FAM184A: variants seen among roughly 807,000 people sequenced by gnomAD.
FAM184A encodes protein FAM184A.
FAM184A carries 99 observed loss-of-function variants against 143.8 expected under a neutral mutation model. The observed-to-expected ratio is 0.69, with a 90% CI of 0.58 to 0.81. FAM184A has a LOEUF of 0.81. Ranked by LOEUF, FAM184A falls within the 40% of genes least tolerant of loss-of-function variation. The pLI is 0.00. For synonymous variants in FAM184A, 427 were observed against 446.4 expected, an observed-to-expected ratio of 0.96 and a Z score of 0.55; for missense variants, 1,217 against 1,310.5, an observed-to-expected ratio of 0.93 and a Z score of 1.10.
chr6:119,072,804 G>T (rs1330499225), intron 1 of FAM184A, among the ~76,000 whole-genome samples: 1 of 151,908 alleles, frequency 6.6e-6, no homozygotes, highest in African/African-American at 2.4e-5. Flanking sequence ...AGTTTAAAGG[G>T]CAGTCAATAA....
intron 1 of FAM184A, among the ~76,000 whole-genome samples, chr6:119,091,289 C>CCAG (rs1562146528): frequency 6.6e-6 from 1 of 152,164 alleles, no homozygotes; most frequent in Non-Finnish European, 1.5e-5. Context: ...CTGGGTATGA[C>CCAG]GGTGAGAGAA....
chr6:119,119,051 G>A (rs1789138223), intron 1 of FAM184A, among the ~76,000 whole-genome samples: 1 of 152,164 alleles, frequency 6.6e-6, no homozygotes, highest in African/African-American at 2.4e-5. Context: ...AAACTGTAGG[G>A]ATGAAATAAG....
chr6:118,977,356 T>C (rs1379688775), intron 11 of FAM184A, among the ~76,000 whole-genome samples: 1 of 152,132 alleles, frequency 6.6e-6, no homozygotes, highest in Non-Finnish European at 1.5e-5. Context: ...CCGAGACCCG[T>C]AGATCACTTG....
At chr6:119,112,371 G>A (rs943844526) in intron 1 of FAM184A, among the ~76,000 whole-genome samples, 2 of 152,040 alleles carry the variant, frequency 1.3e-5, no homozygotes, top group Admixed American at 6.6e-5. Context: ...CAGGTGATCC[G>A]CCTGCCTGGG....
chr6:119,084,504 G>A (rs11756828), intron 1 of FAM184A, among the ~76,000 whole-genome samples: 37,183 of 152,244 alleles, frequency 0.24, 4,898 homozygotes, highest in Non-Finnish European at 0.28. Context: ...GGCCTTCCAG[G>A]GTTCAGGCCC....
intron 11 of FAM184A, among the ~76,000 whole-genome samples, chr6:118,977,781 T>G (rs1783890726): frequency 6.6e-6 from 1 of 152,166 alleles, no homozygotes; most frequent in Non-Finnish European, 1.5e-5. Context: ...TGACAGAATC[T>G]TCGTCATTGT....
chr6:119,065,126 A>G (rs917272485), intron 1 of FAM184A, among the ~76,000 whole-genome samples: 1 of 152,184 alleles, frequency 6.6e-6, no homozygotes, highest in Non-Finnish European at 1.5e-5. Context: ...CCTACACTGT[A>G]CCATGGTTGG....
chr6:119,116,032 G>C (rs1050882463), intron 1 of FAM184A, among the ~76,000 whole-genome samples: 1 of 145,164 alleles, frequency 6.9e-6, no homozygotes, highest in African/African-American at 2.5e-5. Context: ...GAGAGAGAGA[G>C]AGAGCAGGGA....
intron 5 of FAM184A, among the ~76,000 whole-genome samples, chr6:119,012,515 T>C (rs1785118514): frequency 6.6e-6 from 1 of 152,216 alleles, no homozygotes; most frequent in Non-Finnish European, 1.5e-5. Flanking sequence ...TGAAATGTTG[T>C]CCTTATACAA....
chr6:118,988,079 A>G (rs1239633646), intron 9 of FAM184A, among the ~76,000 whole-genome samples: 7 of 152,226 alleles, frequency 4.6e-5, no homozygotes, highest in African/African-American at 1.7e-4. Context: ...GCTCACTTAC[A>G]TTGCTGATAG....
At chr6:118,994,737 A>ATAGC (rs1171147943) in intron 9 of FAM184A, among the ~76,000 whole-genome samples, 3,413 of 134,630 alleles carry the variant, frequency 0.025, 88 homozygotes, top group African/African-American at 0.043. Flanking sequence ...AAATAAATAA[A>ATAGC]AAGCCAGAGG....
upstream of FAM184A, among the ~76,000 whole-genome samples, chr6:119,082,218 C>T (rs1788092389): frequency 6.6e-6 from 1 of 152,204 alleles, no homozygotes; most frequent in South Asian, 2.1e-4. Context: ...ATCACAGTCA[C>T]CTCCCAGCAG....
chr6:119,121,461 A>G (rs1392828762), intron 1 of FAM184A, among the ~76,000 whole-genome samples: 1 of 152,170 alleles, frequency 6.6e-6, no homozygotes, highest in African/African-American at 2.4e-5. Context: ...TTTAAGGAAA[A>G]TTAAATCCAT....
At chr6:119,138,211 A>G (rs1390094268) in intron 1 of FAM184A, among the ~76,000 whole-genome samples, 2 of 152,182 alleles carry the variant, frequency 1.3e-5, no homozygotes, top group East Asian at 3.8e-4. Context: ...GAGCTACCCA[A>G]ATTCAAATGA....
At chr6:119,123,061 C>T (rs1311053039) in intron 1 of FAM184A, among the ~76,000 whole-genome samples, 2 of 141,406 alleles carry the variant, frequency 1.4e-5, no homozygotes, top group Non-Finnish European at 3.1e-5. Context: ...CATGGACTGG[C>T]CAGAACCACT....
At chr6:119,016,974 C>A in intron 4 of FAM184A, 30 bp from the exon 5 acceptor site, 1 of 1,500,082 alleles carries the variant, frequency 6.7e-7, no homozygotes. Context: ...CAATAATCGG[C>A]ACCTGCTTTT....
chr6:119,138,555 C>T (rs1772099171), intron 1 of FAM184A, among the ~76,000 whole-genome samples: 1 of 151,938 alleles, frequency 6.6e-6, no homozygotes, highest in Non-Finnish European at 1.5e-5. Context: ...TCTCACATTT[C>T]ACCACTCTGA....
intron 1 of FAM184A, among the ~76,000 whole-genome samples, chr6:119,035,897 C>A (rs1786094734): frequency 6.6e-6 from 1 of 152,098 alleles, no homozygotes; most frequent in Non-Finnish European, 1.5e-5. Flanking sequence ...TGTATAAAAC[C>A]AAGCTATAGC....
At chr6:119,106,103 C>T (rs1345727972) in intron 1 of FAM184A, among the ~76,000 whole-genome samples, 2 of 152,094 alleles carry the variant, frequency 1.3e-5, no homozygotes, top group African/African-American at 4.8e-5. Flanking sequence ...TTAAAAAAAC[C>T]AAACTGATGC....
Sources: allele counts gnomAD v4.1 joint callset (sites outside exome capture counted in the v4.1 genomes callset), GRCh38; gene constraint gnomAD v4.1.1; transcripts MANE v1.5; gene names NCBI Gene and HGNC (gene_info 2026-07-23, HGNC 2026-07-21).